The following NEBL variants were observed in gnomAD, a reference collection of about 807,000 sequenced individuals.
The protein encoded by NEBL is LIM and SH3 protein 2.
Under a neutral mutation model 140.2 loss-of-function variants are expected in NEBL, and 122 were observed. That is an observed-to-expected ratio of 0.87 (90% CI 0.75 to 1.01). The LOEUF is 1.01. Ranked by LOEUF, NEBL falls within the 50% of genes least tolerant of loss-of-function variation. NEBL has a pLI of 0.00. For missense variants in NEBL, 1,365 were observed against 1,231.3 expected (o/e 1.11, Z -1.62); for synonymous variants, 436 against 398.9 (o/e 1.09, Z -1.11).
chr10:20,856,566 T>G (rs1281938843), intron 9 of NEBL, among the ~76,000 whole-genome samples: 1 of 152,140 alleles, frequency 6.6e-6, no homozygotes, highest in East Asian at 1.9e-4. Context: ...ATATCAATTT[T>G]AGAAGCATAT....
chr10:20,812,868 C>G lies in NEBL; in HGVS notation c.2419G>C (p.Glu807Gln), dbSNP rs756550826. The G allele has an allele frequency of 1.5e-5, 24 of 1,614,064 alleles. No individual in the cohort carries two copies. Among genetic ancestry groups the G allele is most frequent in the Non-Finnish European group, 2.0e-5 (24 of 1,179,934 alleles). The change falls in exon 24 of 28, where the codon GAG (glutamate) becomes CAG (glutamine). Residue 807 changes from glutamate (E) to glutamine (Q), a missense_variant. Transcript: ENST00000377122. Reference sequence around the variant, plus strand: ...ACCTGGGTGTTCTTCCTCACTCTCTCTGTCACAGGATCGTCCACGACGGGA... The same window carrying G: ...ACCTGGGTGTTCTTCCTCACTCTCTGTGTCACAGGATCGTCCACGACGGGA... Reference protein sequence around the residue: ...FTPVVDDPVTERVRKNTQVVS... With the variant: ...FTPVVDDPVTQRVRKNTQVVS...
intron 14 of NEBL, 21 bp from the exon 15 acceptor site, chr10:20,831,604 A>G (rs1295771608): frequency 1.4e-6 from 2 of 1,467,338 alleles, no homozygotes; most frequent in Non-Finnish European, 1.9e-6. Context: ...TGAAACATAC[A>G]GTTAGTGCTC....
At chr10:20,823,321 T>C in intron 18 of NEBL, 21 bp from the exon 19 acceptor site, 1 of 1,514,116 alleles carries the variant, frequency 6.6e-7, no homozygotes, top group East Asian at 2.3e-5. Flanking sequence ...TATAAGAATA[T>C]AACGTTAACT....
At chr10:20,855,536 C>G (rs896135698) in intron 9 of NEBL, among the ~76,000 whole-genome samples, 1 of 140,964 alleles carries the variant, frequency 7.1e-6, no homozygotes, top group Non-Finnish European at 1.6e-5. Context: ...AAAAAAAAAA[C>G]GAAGGAAAAC....
chr10:21,090,067 C>G (rs1836839313), intron 2 of NEBL, among the ~76,000 whole-genome samples: 1 of 152,134 alleles, frequency 6.6e-6, no homozygotes, highest in African/African-American at 2.4e-5. Context: ...CAACTCAGAC[C>G]AAACATGGCC....
chr10:21,211,513 G>GT (rs1260138903), intron 3 of NEBL, among the ~76,000 whole-genome samples: 2 of 151,670 alleles, frequency 1.3e-5, no homozygotes, highest in African/African-American at 2.4e-5. Flanking sequence ...AAACCCTAAG[G>GT]TTTTTTTTCT....
intron 2 of NEBL, among the ~76,000 whole-genome samples, chr10:21,088,033 GAACA>G (rs1028473085): frequency 6.6e-6 from 1 of 152,166 alleles, no homozygotes; most frequent in Non-Finnish European, 1.5e-5. Context: ...AAACAACATG[GAACA>G]AACAAAGTGA....
intron 2 of NEBL, among the ~76,000 whole-genome samples, chr10:21,107,117 A>G (rs1457104722): frequency 6.6e-6 from 1 of 152,198 alleles, no homozygotes; most frequent in Non-Finnish European, 1.5e-5. Context: ...ACACAGTCAT[A>G]TCATCTGCAA....
chr10:21,037,712 T>A (rs987555188), intron 2 of NEBL, among the ~76,000 whole-genome samples: 3 of 152,062 alleles, frequency 2.0e-5, no homozygotes, highest in South Asian at 4.1e-4. Context: ...AGTGATTTTT[T>A]AAAAAATGTG....
At chr10:21,233,365 C>T (rs995706480) in intron 3 of NEBL, among the ~76,000 whole-genome samples, 5 of 152,218 alleles carry the variant, frequency 3.3e-5, no homozygotes, top group Admixed American at 1.3e-4. Flanking sequence ...CTTCTCTTGA[C>T]TTGCTCCAAA....
chr10:21,263,884 G>C (rs1842768954), intron 1 of NEBL, among the ~76,000 whole-genome samples: 1 of 152,204 alleles, frequency 6.6e-6, no homozygotes, highest in South Asian at 2.1e-4. Flanking sequence ...AGAATCACTT[G>C]AACCTGGGAG....
intron 2 of NEBL, among the ~76,000 whole-genome samples, chr10:21,143,099 T>A (rs1839719134): frequency 1.3e-5 from 2 of 152,142 alleles, no homozygotes; most frequent in Non-Finnish European, 2.9e-5. Flanking sequence ...GTTATATGCA[T>A]AATGTGAATG....
intron 2 of NEBL, among the ~76,000 whole-genome samples, chr10:21,106,669 GC>G (rs1322536842): frequency 6.6e-6 from 1 of 152,158 alleles, no homozygotes; most frequent in Non-Finnish European, 1.5e-5. Context: ...GGCTATGTGG[GC>G]TCTTTTTTGG....
At chr10:21,183,969 C>A (rs1424069118) in intron 3 of NEBL, among the ~76,000 whole-genome samples, 4 of 152,262 alleles carry the variant, frequency 2.6e-5, no homozygotes, top group East Asian at 1.9e-4. Flanking sequence ...CATGTGAGAC[C>A]TGCCTTTCAC....
At chr10:21,089,688 C>CG (rs1228294753) in intron 2 of NEBL, among the ~76,000 whole-genome samples, 2 of 151,948 alleles carry the variant, frequency 1.3e-5, no homozygotes, top group East Asian at 1.9e-4. Flanking sequence ...GAATGGGAAG[C>CG]GGGGAGGCAG....
At chr10:21,097,686 G>A (rs1837256155) in intron 2 of NEBL, among the ~76,000 whole-genome samples, 1 of 152,166 alleles carries the variant, frequency 6.6e-6, no homozygotes, top group African/African-American at 2.4e-5. Context: ...CAAGAGAAGT[G>A]TAAACAGAAA....
rs570721893 is a variant in NEBL at position 21,093,229 on chromosome 10, G to A, written c.165-73028C>T. On this transcript the variant is annotated intron_variant, in intron 2 of 6. Transcript: ENST00000417816. Reference sequence around the variant, plus strand: ...GGTATCTTTTCACTTGGCTGTTTCTGCCTGGGTGACTCAGAGGATAAGTAT... The same window carrying A: ...GGTATCTTTTCACTTGGCTGTTTCTACCTGGGTGACTCAGAGGATAAGTAT... Among the ~76,000 whole-genome samples, 41 of 130,202 alleles carry A rather than the reference G, an allele frequency of 3.1e-4. 1 individual carries two copies. In the Admixed American group the frequency reaches 3.7e-3, roughly 12 times the overall value. The allele number at this position is 130,202 out of a possible 152,430, so 85.4% of individuals were successfully genotyped here.
At chr10:21,003,094 C>T (rs758517506) in intron 3 of NEBL, among the ~76,000 whole-genome samples, 1 of 150,084 alleles carries the variant, frequency 6.7e-6, no homozygotes, top group Non-Finnish European at 1.5e-5. Flanking sequence ...TTCACAGCCA[C>T]CTTGATCCTG....
chr10:20,892,242 A>C (rs1227580737), intron 2 of NEBL, among the ~76,000 whole-genome samples: 2 of 152,348 alleles, frequency 1.3e-5, no homozygotes, highest in African/African-American at 4.8e-5. Context: ...CTGTGACTTT[A>C]GTGGAAATCT....
Sources: allele counts gnomAD v4.1 joint callset (sites outside exome capture counted in the v4.1 genomes callset), GRCh38; gene constraint gnomAD v4.1.1; transcripts MANE v1.5; gene names NCBI Gene and HGNC (gene_info 2026-07-23, HGNC 2026-07-21).